Variants in PRKN observed in about 807,000 individuals in gnomAD.
PRKN encodes E3 ubiquitin-protein ligase parkin.
A neutral mutation model predicts 59.5 loss-of-function variants in PRKN; 56 were observed. The ratio of observed to expected loss-of-function variants is 0.94; its 90% CI spans 0.76 to 1.18. PRKN has a LOEUF of 1.18. Ranked by LOEUF, PRKN falls within the 50% of genes most tolerant of loss-of-function variation. The pLI is 0.00. For synonymous variants in PRKN, 250 were observed against 222.1 expected (o/e 1.13, Z -1.12); for missense variants, 657 against 596.4 (o/e 1.10, Z -1.06).
At chr6:161,375,243 G>A (rs1785646087) in intron 10 of PRKN, among the ~76,000 whole-genome samples, 2 of 152,214 alleles carry the variant, frequency 1.3e-5, no homozygotes. Context: ...CCCCAGGGAA[G>A]TGCGTTGCAG....
At chr6:161,957,409 GTTTT>G (rs1203607451) in intron 6 of PRKN, among the ~76,000 whole-genome samples, 5 of 127,392 alleles carry the variant, frequency 3.9e-5, no homozygotes, top group Admixed American at 2.4e-4. Flanking sequence ...TGTTCTTGTT[GTTTT>G]TTTTTTGTTT....
At chr6:162,207,444 T>A (rs557419656) in intron 3 of PRKN, among the ~76,000 whole-genome samples, 2 of 152,256 alleles carry the variant, frequency 1.3e-5, no homozygotes, top group South Asian at 2.1e-4. Flanking sequence ...GAAAAGTTGC[T>A]AAACTGGGCA....
At chr6:162,068,288 A>G (rs988399294) in intron 4 of PRKN, among the ~76,000 whole-genome samples, 1 of 151,988 alleles carries the variant, frequency 6.6e-6, no homozygotes. Flanking sequence ...ACATTACTTC[A>G]TTTATCTCAG....
intron 4 of PRKN, among the ~76,000 whole-genome samples, chr6:162,147,438 T>A (rs1410461991): frequency 6.6e-6 from 1 of 151,806 alleles, no homozygotes. Context: ...TGTATTGATG[T>A]TGCAACCTCA....
intron 6 of PRKN, among the ~76,000 whole-genome samples, chr6:161,883,032 C>CA (rs757091437): frequency 0.27 from 37,991 of 139,302 alleles, 5,442 homozygotes; most frequent in African/African-American, 0.45. Context: ...ACAACAACAA[C>CA]AAAAAAAAAC....
At chr6:162,264,062 C>T (rs925380242) in intron 2 of PRKN, among the ~76,000 whole-genome samples, 3 of 151,998 alleles carry the variant, frequency 2.0e-5, no homozygotes, top group Non-Finnish European at 2.9e-5. Context: ...TCACTTGAGG[C>T]CAGTAGTTTG....
At chr6:161,905,176 G>A (rs1379960956) in intron 6 of PRKN, among the ~76,000 whole-genome samples, 1 of 152,060 alleles carries the variant, frequency 6.6e-6, no homozygotes, top group East Asian at 1.9e-4. Flanking sequence ...TTACATTTAC[G>A]TTTTATTCTG....
At chr6:162,580,440 G>GAA (rs56059992) in intron 1 of PRKN, among the ~76,000 whole-genome samples, 11 of 120,602 alleles carry the variant, frequency 9.1e-5, no homozygotes, top group East Asian at 4.5e-4. Flanking sequence ...CCCTGTCTCA[G>GAA]AAAAAAAAAA....
chr6:161,950,902 T>A (rs532066263), intron 6 of PRKN, among the ~76,000 whole-genome samples: 1 of 151,264 alleles, frequency 6.6e-6, no homozygotes, highest in African/African-American at 2.4e-5. Flanking sequence ...GGCAGCAGAG[T>A]GAAGACACTG....
chr6:162,172,163 A>G (rs1783311350), intron 4 of PRKN, among the ~76,000 whole-genome samples: 1 of 152,210 alleles, frequency 6.6e-6, no homozygotes, highest in Non-Finnish European at 1.5e-5. Flanking sequence ...CTCAAAACAT[A>G]TTCTTAGCCA....
At chr6:162,649,856 G>GT (rs1778349825) in intron 1 of PRKN, among the ~76,000 whole-genome samples, 1 of 152,072 alleles carries the variant, frequency 6.6e-6, no homozygotes, top group African/African-American at 2.4e-5. Flanking sequence ...GAAAACTTTG[G>GT]TACATGAATA....
chr6:162,492,927 T>C (rs1003652984), intron 1 of PRKN, among the ~76,000 whole-genome samples: 5 of 132,316 alleles, frequency 3.8e-5, no homozygotes, highest in Non-Finnish European at 6.2e-5. Flanking sequence ...CACTCCAGCC[T>C]GGGCAACAGA....
chr6:162,348,657 T>C (rs945168804), intron 2 of PRKN, among the ~76,000 whole-genome samples: 3 of 152,220 alleles, frequency 2.0e-5, no homozygotes, highest in African/African-American at 7.2e-5. Context: ...CCTATGGTTT[T>C]GTTGCATATT....
chr6:162,727,040 AT>A (rs1779252631), intron 1 of PRKN: 1 of 152,034 alleles, frequency 6.6e-6, no homozygotes, highest in Admixed American at 6.5e-5. Flanking sequence ...AAGGCAATAG[AT>A]TTAATCTTGG....
chr6:161,646,502 G>A, intron 7 of PRKN, among the ~76,000 whole-genome samples: 1 of 128,648 alleles, frequency 7.8e-6, no homozygotes, highest in African/African-American at 2.7e-5. Flanking sequence ...TGGTGGAGGA[G>A]GTGGCGTATG....
At chr6:161,726,446 C>T (rs1049428620) in intron 7 of PRKN, among the ~76,000 whole-genome samples, 2 of 152,192 alleles carry the variant, frequency 1.3e-5, no homozygotes, top group Non-Finnish European at 1.5e-5. Flanking sequence ...ATGGCAGGTG[C>T]TTAGTAAGTG....
At chr6:162,257,700 C>T (rs763083898) in intron 3 of PRKN, among the ~76,000 whole-genome samples, 3 of 152,040 alleles carry the variant, frequency 2.0e-5, no homozygotes, top group East Asian at 1.9e-4. Flanking sequence ...GCCAGGTTTG[C>T]GGCAAGCACT....
chr6:161,567,687 T>A (rs1780708415), intron 8 of PRKN, among the ~76,000 whole-genome samples: 1 of 152,178 alleles, frequency 6.6e-6, no homozygotes, highest in Admixed American at 6.5e-5. Context: ...TCAATTAAAT[T>A]TCTAGGAGAA....
chr6:162,444,549 C>T (rs1790218347), intron 1 of PRKN, among the ~76,000 whole-genome samples: 1 of 152,082 alleles, frequency 6.6e-6, no homozygotes, highest in Non-Finnish European at 1.5e-5. Flanking sequence ...TCATGACCTC[C>T]CTCCTTCTCC....
Sources: allele counts gnomAD v4.1 joint callset (sites outside exome capture counted in the v4.1 genomes callset), GRCh38; gene constraint gnomAD v4.1.1; transcripts MANE v1.5; gene names NCBI Gene and HGNC (gene_info 2026-07-23, HGNC 2026-07-21).